Variants in FRMD4A observed in about 807,000 individuals in gnomAD.
The protein encoded by FRMD4A is FERM domain-containing protein 4A.
A neutral mutation model predicts 129.1 loss-of-function variants in FRMD4A; 29 were observed. The observed-to-expected ratio is 0.22, with a 90% CI of 0.17 to 0.31. The LOEUF (loss-of-function observed/expected upper bound fraction) is 0.31, where lower values mean the gene tolerates loss of function less well. FRMD4A is among the 10% of genes least tolerant of loss of function. The pLI, the probability that FRMD4A is intolerant of heterozygous loss-of-function variation, is 1.00. For synonymous variants in FRMD4A, 634 were observed against 571.6 expected (o/e 1.11, Z -1.56); for missense variants, 1,272 against 1,375.8 (o/e 0.92, Z 1.19).
intron 2 of FRMD4A, among the ~76,000 whole-genome samples, chr10:14,035,189 G>A (rs925915532): frequency 4.6e-5 from 7 of 152,096 alleles, no homozygotes; most frequent in African/African-American, 1.7e-4. Context: ...GAGGCGGGTG[G>A]ATCGCCTGAG....
chr10:13,769,436 G>A (rs1018740024), intron 6 of FRMD4A, among the ~76,000 whole-genome samples: 2 of 152,126 alleles, frequency 1.3e-5, no homozygotes, highest in African/African-American at 2.4e-5. Flanking sequence ...AGTTTCCTGA[G>A]TAGCTGGGAT....
In FRMD4A at chr10:13,842,269, T is replaced by C. The variant is rs190074044; in HGVS notation, c.111+16578A>G. ...TGTCTTCTGAGTGTCGTCTAGTCCA[T>C]ACACGTGGGTTTGCTTAAAATAGTT... is the stretch of plus-strand genomic sequence containing the variant. On this transcript the variant is annotated intron_variant, in intron 3 of 24. Coordinates refer to ENST00000357447, the MANE Select transcript of FRMD4A (RefSeq NM_018027.5). Among the ~76,000 whole-genome samples the C allele has an allele frequency of 2.8e-4, 43 of 152,326 alleles. 1 individual carries two copies. The highest frequency in any genetic ancestry group is 1.2e-3 in the Admixed American group (19 of 15,300).
chr10:14,110,689 G>A (rs1395991702), intron 2 of FRMD4A, among the ~76,000 whole-genome samples: 1 of 152,166 alleles, frequency 6.6e-6, no homozygotes, highest in Non-Finnish European at 1.5e-5. Context: ...CTTGTTATCT[G>A]AAAACCACTG....
At chr10:13,679,910 C>T (rs951951525) in intron 15 of FRMD4A, among the ~76,000 whole-genome samples, 2 of 152,120 alleles carry the variant, frequency 1.3e-5, no homozygotes, top group African/African-American at 2.4e-5. Flanking sequence ...GCTCAAAGGG[C>T]GTCAGGAGAG....
intron 2 of FRMD4A, among the ~76,000 whole-genome samples, chr10:13,923,092 C>G (rs555422706): frequency 5.9e-5 from 9 of 152,126 alleles, no homozygotes; most frequent in Admixed American, 5.9e-4. Flanking sequence ...ACCTTGGACA[C>G]ACAATAAACA....
chr10:14,044,087 C>A (rs1307322447), intron 2 of FRMD4A, among the ~76,000 whole-genome samples: 2 of 152,174 alleles, frequency 1.3e-5, no homozygotes, highest in Non-Finnish European at 2.9e-5. Flanking sequence ...CCTTAAACTC[C>A]CTAGGTGCTG....
intron 2 of FRMD4A, among the ~76,000 whole-genome samples, chr10:13,952,036 T>C (rs951337165): frequency 1.3e-5 from 2 of 150,942 alleles, no homozygotes; most frequent in Non-Finnish European, 3.0e-5. Context: ...TCATCTTACA[T>C]TGGGAAGGGG....
chr10:13,680,530 G>C (rs781545460), intron 15 of FRMD4A, among the ~76,000 whole-genome samples: 4 of 152,100 alleles, frequency 2.6e-5, no homozygotes, highest in African/African-American at 9.7e-5. Flanking sequence ...TTTGAGACCA[G>C]CCTGGCCAAC....
rs71388139 is a variant in FRMD4A, at chr10:13,955,112, C to CTTTTTTTTTTTTT, written c.46-96213_46-96201dup. Among the ~76,000 whole-genome samples, 73 of 102,946 alleles carry CTTTTTTTTTTTTT rather than the reference C, an allele frequency of 7.1e-4. 9 individuals are homozygous for CTTTTTTTTTTTTT. Among genetic ancestry groups the CTTTTTTTTTTTTT allele is most frequent in the African/African-American group, 1.8e-3 (46 of 25,882 alleles). 67.5% of individuals were successfully genotyped at this position (102,946 alleles called of 152,430 possible). ...TTCCAACCCCATGTTAATAATTCTG[C>CTTTTTTTTTTTTT]TTTTTTTTTTTTTGAGACGGAGTAT... On this transcript the variant is annotated intron_variant, in intron 2 of 24. Transcript: ENST00000357447.
At chr10:14,035,336 C>A (rs1009469476) in intron 2 of FRMD4A, among the ~76,000 whole-genome samples, 1 of 151,132 alleles carries the variant, frequency 6.6e-6, no homozygotes, top group African/African-American at 2.4e-5. Context: ...TGCATGAATC[C>A]GTGAGGCTGA....
chr10:14,194,972 C>T (rs1475363154), intron 2 of FRMD4A, among the ~76,000 whole-genome samples: 1 of 152,204 alleles, frequency 6.6e-6, no homozygotes, highest in East Asian at 1.9e-4. Context: ...AAGAGAAGTG[C>T]CCCTATTTCA....
chr10:14,160,979 A>T (rs887778073), intron 2 of FRMD4A, among the ~76,000 whole-genome samples: 4 of 151,904 alleles, frequency 2.6e-5, no homozygotes, highest in African/African-American at 9.7e-5. Flanking sequence ...TTGAGACGGG[A>T]GTTTCACTCT....
chr10:14,146,679 C>T (rs753642638), intron 2 of FRMD4A, among the ~76,000 whole-genome samples: 1 of 152,160 alleles, frequency 6.6e-6, no homozygotes, highest in Non-Finnish European at 1.5e-5. Flanking sequence ...CAACACGGCA[C>T]TAAGTTCCAT....
chr10:13,819,080 A>T (rs1212050513), intron 3 of FRMD4A, among the ~76,000 whole-genome samples: 4 of 152,140 alleles, frequency 2.6e-5, no homozygotes. Flanking sequence ...GTGAGCCGAG[A>T]TCGCACCACT....
In FRMD4A at chr10:14,010,664, C is replaced by CTTTTTTT. The variant is rs779471389; in HGVS notation, c.46-151759_46-151753dup. On this transcript the variant is annotated intron_variant, in intron 2 of 24. Transcript: ENST00000357447. ...TCAAAATTAATTGTCGAGTTTAGGT[C>CTTTTTTT]TTTTTTTTTTTTTTTTTTTTTTTTA... is the stretch of plus-strand genomic sequence containing the variant. Among the ~76,000 whole-genome samples, 39 of 76,426 alleles carry CTTTTTTT rather than the reference C, an allele frequency of 5.1e-4. 1 individual carries two copies. Among genetic ancestry groups the CTTTTTTT allele is most frequent in the African/African-American group, 1.3e-3 (30 of 22,580 alleles). 50.1% of individuals were successfully genotyped at this position (76,426 alleles called of 152,430 possible).
chr10:13,645,508 A>G lies in FRMD4A; in HGVS notation c.*1530T>C, dbSNP rs2081068681. On this transcript the variant is annotated 3_prime_UTR_variant, in exon 25 of 25. Transcript: ENST00000357447. Reference sequence around the variant, plus strand: ...GGCCTTTGAAGATTGATGGCTTTCCAGTTGTGTTTGAAGCATAGCTCAAAA... The same window carrying G: ...GGCCTTTGAAGATTGATGGCTTTCCGGTTGTGTTTGAAGCATAGCTCAAAA... 2 of 152,690 alleles carry G rather than the reference A, an allele frequency of 1.3e-5. No individual in the cohort carries two copies. Among genetic ancestry groups the G allele is most frequent in the Non-Finnish European group, 2.9e-5 (2 of 68,052 alleles). 9.5% of individuals were successfully genotyped at this position (152,690 alleles called of 1,614,324 possible).
intron 2 of FRMD4A, among the ~76,000 whole-genome samples, chr10:13,867,719 TATAATATATAATAAATAACATATA>T (rs1311558685): frequency 9.5e-6 from 1 of 105,766 alleles, no homozygotes; most frequent in African/African-American, 4.3e-5. Context: ...TAACATATAA[TATAATATATAATAAATAACATATA>T]ATATAATATA....
Position 13,654,221 on chromosome 10 carries a change from C to T in FRMD4A, c.3050+195G>A, listed in dbSNP as rs2081938236. ...CTTTAAGAGAACACAGACAATTCAC[C>T]TCTATAAAGGCACAGCCAGGAAAAG... On this transcript the variant is annotated intron_variant, in intron 23 of 24. Transcript: ENST00000357447. 6 of 608,728 alleles carry T rather than the reference C, an allele frequency of 9.9e-6. No homozygotes were observed. In the South Asian group the frequency reaches 1.2e-4, roughly 12 times the overall value. The allele number at this position is 608,728 out of a possible 1,614,324, so 37.7% of individuals were successfully genotyped here. A position where few individuals can be genotyped will look rare whatever the true frequency, so the allele number is the denominator to read the frequency against.
chr10:13,954,725 G>A (rs1250853010), intron 2 of FRMD4A, among the ~76,000 whole-genome samples: 1 of 152,146 alleles, frequency 6.6e-6, no homozygotes, highest in Non-Finnish European at 1.5e-5. Context: ...TGAGTTATTG[G>A]GGTCATCATC....
Sources: gnomAD v4.1 joint callset for allele counts (sites outside exome capture counted in the v4.1 genomes callset) on GRCh38, gnomAD v4.1.1 for gene constraint, MANE v1.5 for transcripts, NCBI Gene and HGNC (gene_info 2026-07-23, HGNC 2026-07-21) for gene names.